Variants in ASPRV1 observed in about 807,000 individuals in gnomAD.
ASPRV1 encodes the protein aspartic peptidase retroviral like 1.
A neutral mutation model predicts 11.0 loss-of-function variants in ASPRV1; 7 were observed. The ratio of observed to expected loss-of-function variants is 0.64; its 90% CI spans 0.36 to 1.20. The LOEUF is 1.20. ASPRV1 is among the 50% of genes most tolerant of loss of function. The probability of loss-of-function intolerance (pLI) is 0.02; values close to 1 mark genes in which losing one functional copy is unlikely to be tolerated. For missense variants in ASPRV1, 299 were observed against 320.0 expected, an observed-to-expected ratio of 0.93 and a Z score of 0.50; for synonymous variants, 136 against 138.4, an observed-to-expected ratio of 0.98 and a Z score of 0.12.
chr2:69,964,351 C>G (rs1678262335), upstream of ASPRV1: 1 of 455,916 alleles, frequency 2.2e-6, no homozygotes, highest in Admixed American at 2.4e-5. Flanking sequence ...CAGAAACACG[C>G]AGGGGCCTCA....
the ASPRV1 span, among the ~76,000 whole-genome samples, chr2:70,005,008 G>T: frequency 6.6e-6 from 1 of 152,048 alleles, no homozygotes; most frequent in Non-Finnish European, 1.5e-5. Flanking sequence ...AGTGTCCATC[G>T]CCCTCCCTCA....
the ASPRV1 span, among the ~76,000 whole-genome samples, chr2:70,029,369 G>A: frequency 1.3e-5 from 2 of 152,104 alleles, no homozygotes; most frequent in East Asian, 1.9e-4. Context: ...GGCCAGGCAC[G>A]GTAGCTCACA....
the ASPRV1 span, among the ~76,000 whole-genome samples, chr2:70,036,065 C>G: frequency 6.6e-6 from 1 of 151,112 alleles, no homozygotes; most frequent in African/African-American, 2.4e-5. Context: ...AGATATTCAG[C>G]CTCAAAGTTC....
chr2:69,937,433 T>C, the ASPRV1 span: 5 of 1,526,086 alleles, frequency 3.3e-6, no homozygotes, highest in Non-Finnish European at 4.4e-6. Context: ...TCCCTTGTGC[T>C]CCCCAACCCC....
the ASPRV1 span, among the ~76,000 whole-genome samples, chr2:69,984,195 T>C: frequency 6.6e-6 from 1 of 152,088 alleles, no homozygotes; most frequent in Non-Finnish European, 1.5e-5. Flanking sequence ...TGCACCACCA[T>C]ACCCAGCTAA....
the ASPRV1 span, among the ~76,000 whole-genome samples, chr2:70,065,754 C>T: frequency 3.2e-5 from 4 of 125,682 alleles, no homozygotes; most frequent in Admixed American, 1.9e-4. Flanking sequence ...GAGCCCAGAG[C>T]GGTACAGTCA....
the ASPRV1 span, among the ~76,000 whole-genome samples, chr2:70,079,772 G>A: frequency 6.6e-6 from 1 of 152,160 alleles, no homozygotes; most frequent in Non-Finnish European, 1.5e-5. Context: ...CCTATTCCAC[G>A]CATAACACTT....
At chr2:69,996,870 G>C in the ASPRV1 span, 1 of 333,212 alleles carries the variant, frequency 3.0e-6, no homozygotes, top group South Asian at 2.2e-5. Context: ...CTGTCAAGGA[G>C]TGTGGAAAAT....
At chr2:69,956,560 T>C (rs1295473659), downstream of ASPRV1, among the ~76,000 whole-genome samples, 13 of 147,278 alleles carry the variant, frequency 8.8e-5, no homozygotes, top group Non-Finnish European at 2.0e-4. Context: ...AAGAAGGAGA[T>C]TAGAAAATCA....
At chr2:70,005,077 T>G in the ASPRV1 span, among the ~76,000 whole-genome samples, 18 of 150,604 alleles carry the variant, frequency 1.2e-4, no homozygotes, top group Non-Finnish European at 4.4e-5. Context: ...TTATTATTAT[T>G]TTGAGTCAGG....
At chr2:69,969,831 C>T in the ASPRV1 span, among the ~76,000 whole-genome samples, 2 of 152,172 alleles carry the variant, frequency 1.3e-5, no homozygotes, top group Non-Finnish European at 2.9e-5. Context: ...CCTCCCACCT[C>T]AGCTCCAGTT....
At chr2:70,086,759 G>A in the ASPRV1 span, among the ~76,000 whole-genome samples, 2 of 152,250 alleles carry the variant, frequency 1.3e-5, no homozygotes, top group African/African-American at 4.8e-5. Context: ...CTTGCGAAAC[G>A]CAAACAAAGC....
At chr2:70,018,963 A>G in the ASPRV1 span, 19 of 152,240 alleles carry the variant, frequency 1.2e-4, no homozygotes, top group African/African-American at 4.1e-4. Context: ...CAATACAGTG[A>G]AGAGAGAACT....
At chr2:70,026,242 A>G in the ASPRV1 span, among the ~76,000 whole-genome samples, 2 of 152,034 alleles carry the variant, frequency 1.3e-5, no homozygotes, top group African/African-American at 4.8e-5. Flanking sequence ...TCACTTGGGC[A>G]CTCCAGCCTG....
chr2:70,051,692 G>T, the ASPRV1 span, among the ~76,000 whole-genome samples: 1 of 152,112 alleles, frequency 6.6e-6, no homozygotes, highest in Non-Finnish European at 1.5e-5. Flanking sequence ...AAGAAAAAAG[G>T]GTCAGGTGTG....
the ASPRV1 span, among the ~76,000 whole-genome samples, chr2:69,991,060 G>T: frequency 6.6e-6 from 1 of 152,140 alleles, no homozygotes; most frequent in Non-Finnish European, 1.5e-5. Flanking sequence ...ATCTTTGGTG[G>T]CTTTTCAGCT....
chr2:69,952,047 C>A, the ASPRV1 span, among the ~76,000 whole-genome samples: 6 of 152,286 alleles, frequency 3.9e-5, no homozygotes, highest in South Asian at 6.2e-4. Flanking sequence ...TTAATAAAAT[C>A]TTTGTTTGAC....
At chr2:69,985,379 T>C in the ASPRV1 span, among the ~76,000 whole-genome samples, 1 of 152,196 alleles carries the variant, frequency 6.6e-6, no homozygotes, top group Non-Finnish European at 1.5e-5. Flanking sequence ...ATGACGCACA[T>C]TCTTCCCATC....
chr2:70,075,899 C>T, the ASPRV1 span, among the ~76,000 whole-genome samples: 1 of 151,898 alleles, frequency 6.6e-6, no homozygotes, highest in Non-Finnish European at 1.5e-5. Flanking sequence ...TTCTGCTTCT[C>T]ATCATTACCA....
Sources: allele counts gnomAD v4.1 joint callset (sites outside exome capture counted in the v4.1 genomes callset), GRCh38; gene constraint gnomAD v4.1.1; transcripts MANE v1.5; gene names NCBI Gene and HGNC (gene_info 2026-07-23, HGNC 2026-07-21).